The following WWOX variants were observed in gnomAD, a reference collection of about 807,000 sequenced individuals.
WWOX encodes the protein WW domain containing oxidoreductase.
In WWOX, 69 loss-of-function variants were observed where a neutral mutation model predicts 46.2. The observed-to-expected ratio is 1.49, with a 90% CI of 1.23 to 1.82. The LOEUF is 1.82. Ranked by LOEUF, WWOX falls within the 40% of genes most tolerant of loss-of-function variation. The pLI is 0.00. For synonymous variants in WWOX, 359 were observed against 202.6 expected, an observed-to-expected ratio of 1.77 and a Z score of -6.56; for missense variants, 919 against 542.6, an observed-to-expected ratio of 1.69 and a Z score of -6.89.
At chr16:78,648,025 C>T (rs1336826994) in intron 8 of WWOX, among the ~76,000 whole-genome samples, 1 of 152,174 alleles carries the variant, frequency 6.6e-6, no homozygotes, top group African/African-American at 2.4e-5. Flanking sequence ...TTCTTGAACC[C>T]TCCCTATCTG....
intron 8 of WWOX, among the ~76,000 whole-genome samples, chr16:78,921,390 G>A (rs1434818287): frequency 6.6e-6 from 1 of 152,162 alleles, no homozygotes; most frequent in African/African-American, 2.4e-5. Context: ...ACTGGTCATG[G>A]GGAGTACAGT....
chr16:79,187,948 A>G (rs931865379), intron 8 of WWOX, among the ~76,000 whole-genome samples: 2 of 152,218 alleles, frequency 1.3e-5, no homozygotes, highest in Non-Finnish European at 1.5e-5. Context: ...GGCACGATTG[A>G]TAATGTTCCC....
At chr16:79,155,399 G>A (rs1175551334) in intron 8 of WWOX, among the ~76,000 whole-genome samples, 1 of 152,046 alleles carries the variant, frequency 6.6e-6, no homozygotes, top group Non-Finnish European at 1.5e-5. Context: ...AAAAGGTGGG[G>A]GGGTGGGCAG....
intron 8 of WWOX, among the ~76,000 whole-genome samples, chr16:78,441,726 T>C (rs1221273248): frequency 6.6e-6 from 1 of 152,118 alleles, no homozygotes; most frequent in African/African-American, 2.4e-5. Context: ...AACTACCTCA[T>C]GGGCTTGTCT....
chr16:78,338,125 C>T (rs2080935898), intron 5 of WWOX, among the ~76,000 whole-genome samples: 1 of 121,404 alleles, frequency 8.2e-6, no homozygotes, highest in African/African-American at 2.8e-5. Flanking sequence ...CTTTTGCTTT[C>T]ACATGGTGTA....
intron 8 of WWOX, among the ~76,000 whole-genome samples, chr16:79,112,005 T>G (rs2049426170): frequency 6.6e-6 from 1 of 152,044 alleles, no homozygotes. Flanking sequence ...CTCCATTCTT[T>G]TTGGTGAATA....
chr16:79,093,707 C>T (rs577988398), intron 8 of WWOX, among the ~76,000 whole-genome samples: 1 of 152,202 alleles, frequency 6.6e-6, no homozygotes, highest in African/African-American at 2.4e-5. Flanking sequence ...TTTTTGGTAA[C>T]TTGAATGAAC....
At chr16:79,057,944 A>C (rs1732230145) in intron 8 of WWOX, among the ~76,000 whole-genome samples, 1 of 152,078 alleles carries the variant, frequency 6.6e-6, no homozygotes, top group Non-Finnish European at 1.5e-5. Flanking sequence ...CAGTGGCCAA[A>C]TCATTCAAAT....
chr16:78,839,907 G>A (rs1028035067), intron 8 of WWOX, among the ~76,000 whole-genome samples: 2 of 152,186 alleles, frequency 1.3e-5, no homozygotes, highest in Non-Finnish European at 2.9e-5. Flanking sequence ...AGGCAGGTAA[G>A]CGCACAAATC....
chr16:78,165,128 G>A (rs561760056), intron 5 of WWOX, among the ~76,000 whole-genome samples: 2 of 152,276 alleles, frequency 1.3e-5, no homozygotes, highest in Admixed American at 6.5e-5. Context: ...TTGGGGGATG[G>A]GTATCTGGTA....
At chr16:78,643,387 A>G (rs1019580875) in intron 8 of WWOX, among the ~76,000 whole-genome samples, 3 of 152,216 alleles carry the variant, frequency 2.0e-5, no homozygotes, top group East Asian at 3.9e-4. Context: ...GCAAATTTCC[A>G]GTGGCTAGTT....
At chr16:78,767,272 G>A (rs959640883) in intron 8 of WWOX, among the ~76,000 whole-genome samples, 1 of 151,866 alleles carries the variant, frequency 6.6e-6, no homozygotes, top group Non-Finnish European at 1.5e-5. Flanking sequence ...ATGCCACCAT[G>A]CCTGGCTTTT....
At chr16:79,099,265 A>T (rs2049141193) in intron 8 of WWOX, among the ~76,000 whole-genome samples, 1 of 152,188 alleles carries the variant, frequency 6.6e-6, no homozygotes, top group Admixed American at 6.5e-5. Flanking sequence ...AAGAGATCAA[A>T]TGTCAACATG....
intron 8 of WWOX, among the ~76,000 whole-genome samples, chr16:78,718,691 T>G (rs933293271): frequency 4.6e-5 from 7 of 152,034 alleles, no homozygotes; most frequent in Non-Finnish European, 1.0e-4. Flanking sequence ...CTGGCCAACA[T>G]AGTGAGACAC....
chr16:79,187,591 G>C (rs148397568), intron 8 of WWOX, among the ~76,000 whole-genome samples: 15 of 152,304 alleles, frequency 9.8e-5, no homozygotes, highest in African/African-American at 3.6e-4. Flanking sequence ...ATTTTTAGTG[G>C]AGACAGGGTT....
rs571117692 is a variant in WWOX, at chr16:78,443,157, A to G, written c.1056+10405A>G. ...TCTCAAAAAAAAAAAAAAAAAAAAA[A>G]GGCTGTGTGTGGTGACTCGTGTCTA... On this transcript the variant is annotated intron_variant, in intron 8 of 8. Coordinates refer to ENST00000566780, the MANE Select transcript of WWOX (RefSeq NM_016373.4). 4.0e-4 allele frequency among the ~76,000 whole-genome samples: 56 copies of G among 140,810 alleles called. 1 individual carries two copies. In the South Asian group the frequency reaches 0.012, roughly 31 times the overall value. 92.4% of individuals were successfully genotyped at this position (140,810 alleles called of 152,430 possible). A position where few individuals can be genotyped will look rare whatever the true frequency, so the allele number is the denominator to read the frequency against.
intron 8 of WWOX, among the ~76,000 whole-genome samples, chr16:78,966,078 A>C (rs2046358365): frequency 6.6e-6 from 1 of 152,170 alleles, no homozygotes; most frequent in Non-Finnish European, 1.5e-5. Context: ...AGCTCTGAGG[A>C]TTCCAAGCTT....
chr16:78,612,448 G>A (rs771223218), intron 8 of WWOX, among the ~76,000 whole-genome samples: 3 of 152,168 alleles, frequency 2.0e-5, no homozygotes, highest in Non-Finnish European at 4.4e-5. Context: ...CTGCAGGTGC[G>A]GGTGGCTCTT....
Position 78,741,140 on chromosome 16 carries a change from A to G in WWOX, c.1056+308388A>G, listed in dbSNP as rs528469525. ...TAGGAACTGCCTAGCGCCACTTCAC[A>G]CTGCAGTAGGAGAGTGAGTAGTTGT... On this transcript the variant is annotated intron_variant, in intron 8 of 8. Coordinates refer to ENST00000566780, the MANE Select transcript of WWOX (RefSeq NM_016373.4). Among the ~76,000 whole-genome samples the G allele has an allele frequency of 1.6e-4, 25 of 152,292 alleles. 1 individual carries two copies. Among genetic ancestry groups the G allele is most frequent in the Admixed American group, 3.3e-4 (5 of 15,294 alleles).
Sources: allele counts gnomAD v4.1 joint callset (sites outside exome capture counted in the v4.1 genomes callset), GRCh38; gene constraint gnomAD v4.1.1; transcripts MANE v1.5; gene names NCBI Gene and HGNC (gene_info 2026-07-23, HGNC 2026-07-21).